RPS6KC1: variants seen among roughly 807,000 people sequenced by gnomAD.
RPS6KC1 encodes the protein ribosomal protein S6 kinase C1.
Under a neutral mutation model 103.8 loss-of-function variants are expected in RPS6KC1, and 54 were observed. The observed-to-expected ratio is 0.52, with a 90% confidence interval of 0.42 to 0.65. The LOEUF is 0.65. RPS6KC1 is among the 30% of genes least tolerant of loss of function. RPS6KC1 has a pLI of 0.00. For synonymous variants in RPS6KC1, 439 were observed against 438.7 expected (o/e 1.00, Z -0.01); for missense variants, 1,151 against 1,253.8 (o/e 0.92, Z 1.24).
At chr1:213,738,149 A>G in the RPS6KC1 span, among the ~76,000 whole-genome samples, 1 of 152,176 alleles carries the variant, frequency 6.6e-6, no homozygotes, top group African/African-American at 2.4e-5. Context: ...AGTTATTTAT[A>G]CACACACACA....
the RPS6KC1 span, among the ~76,000 whole-genome samples, chr1:213,353,764 C>A: frequency 0.012 from 1,759 of 152,268 alleles, 15 homozygotes; most frequent in Non-Finnish European, 0.018. Flanking sequence ...AGATAAGACA[C>A]AATTGCAAGC....
chr1:213,539,534 C>T, the RPS6KC1 span, among the ~76,000 whole-genome samples: 109 of 152,328 alleles, frequency 7.2e-4, no homozygotes, highest in Non-Finnish European at 1.1e-3. Flanking sequence ...GTGGTGTCCT[C>T]ACAGAGTGAG....
At chr1:213,797,562 A>G in the RPS6KC1 span, among the ~76,000 whole-genome samples, 1 of 152,218 alleles carries the variant, frequency 6.6e-6, no homozygotes, top group East Asian at 1.9e-4. Flanking sequence ...GACCACGTCT[A>G]TCCTCTGCAC....
At chr1:213,156,833 T>C (rs1272307149) in intron 6 of RPS6KC1, among the ~76,000 whole-genome samples, 1 of 152,236 alleles carries the variant, frequency 6.6e-6, no homozygotes, top group African/African-American at 2.4e-5. Flanking sequence ...TTGGTCAGTC[T>C]ACCTGAAAGT....
At chr1:213,184,262 T>G (rs2092424677) in intron 8 of RPS6KC1, among the ~76,000 whole-genome samples, 1 of 152,092 alleles carries the variant, frequency 6.6e-6, no homozygotes, top group South Asian at 2.1e-4. Context: ...CCAGTATTAC[T>G]CTGATATCAA....
the RPS6KC1 span, among the ~76,000 whole-genome samples, chr1:213,421,514 A>T: frequency 6.6e-6 from 1 of 152,090 alleles, no homozygotes; most frequent in Non-Finnish European, 1.5e-5. Context: ...TTTGAATGAG[A>T]CCAAATAGTA....
intron 7 of RPS6KC1, among the ~76,000 whole-genome samples, chr1:213,169,398 T>A (rs2091280638): frequency 6.6e-6 from 1 of 152,214 alleles, no homozygotes; most frequent in Non-Finnish European, 1.5e-5. Context: ...AACATAATGA[T>A]TGTGTTTTAA....
At chr1:213,311,893 C>CTTT in the RPS6KC1 span, among the ~76,000 whole-genome samples, 2 of 127,342 alleles carry the variant, frequency 1.6e-5, no homozygotes, top group East Asian at 4.8e-4. Flanking sequence ...TCAGGAGGAT[C>CTTT]TTTTTTTTTT....
At chr1:213,213,763 ATTTTC>A (rs1047099474) in intron 8 of RPS6KC1, among the ~76,000 whole-genome samples, 4 of 152,092 alleles carry the variant, frequency 2.6e-5, no homozygotes, top group African/African-American at 9.7e-5. Flanking sequence ...AAATATGCTT[ATTTTC>A]TTTTTCTAAT....
the RPS6KC1 span, among the ~76,000 whole-genome samples, chr1:213,336,451 A>G: frequency 3.3e-5 from 5 of 152,198 alleles, no homozygotes; most frequent in African/African-American, 2.4e-5. Context: ...TGCTCAGTAC[A>G]TATTTGTTGT....
chr1:213,121,182 G>A (rs1247188737), intron 5 of RPS6KC1, among the ~76,000 whole-genome samples: 1 of 152,146 alleles, frequency 6.6e-6, no homozygotes, highest in African/African-American at 2.4e-5. Flanking sequence ...GATTCTCCTG[G>A]CCTTGGCCTC....
At chr1:213,602,092 C>CTT in the RPS6KC1 span, among the ~76,000 whole-genome samples, 1 of 36,438 alleles carries the variant, frequency 2.7e-5, no homozygotes, top group African/African-American at 1.5e-4. Context: ...TTCTTTCTTT[C>CTT]TTTCTTTCTT....
the RPS6KC1 span, among the ~76,000 whole-genome samples, chr1:213,775,021 G>A: frequency 6.6e-6 from 1 of 152,248 alleles, no homozygotes; most frequent in South Asian, 2.1e-4. Context: ...TTTATTTTGG[G>A]TGATCAGAGA....
At chr1:213,103,224 T>C (rs1479845700) in intron 3 of RPS6KC1, among the ~76,000 whole-genome samples, 1 of 152,108 alleles carries the variant, frequency 6.6e-6, no homozygotes, top group African/African-American at 2.4e-5. Context: ...AATGTTTCAT[T>C]GTAAGACATT....
chr1:213,850,120 C>T, the RPS6KC1 span, among the ~76,000 whole-genome samples: 2 of 152,026 alleles, frequency 1.3e-5, no homozygotes, highest in East Asian at 3.9e-4. Context: ...TTGGCTATAA[C>T]TTTAGAATAT....
chr1:213,555,170 T>A, the RPS6KC1 span, among the ~76,000 whole-genome samples: 1 of 152,194 alleles, frequency 6.6e-6, no homozygotes, highest in Non-Finnish European at 1.5e-5. Flanking sequence ...AAAGGCTTGC[T>A]AAGATCATCC....
the RPS6KC1 span, among the ~76,000 whole-genome samples, chr1:213,565,153 A>G: frequency 6.6e-6 from 1 of 152,262 alleles, no homozygotes; most frequent in Non-Finnish European, 1.5e-5. Context: ...GATGTATAAC[A>G]ACAGAAATTC....
the RPS6KC1 span, among the ~76,000 whole-genome samples, chr1:213,486,098 C>T: frequency 6.6e-6 from 1 of 152,208 alleles, no homozygotes; most frequent in Non-Finnish European, 1.5e-5. Flanking sequence ...TCCCAGCAGG[C>T]ACGCACACAA....
the RPS6KC1 span, among the ~76,000 whole-genome samples, chr1:213,325,913 C>A: frequency 6.6e-6 from 1 of 152,196 alleles, no homozygotes; most frequent in Non-Finnish European, 1.5e-5. Context: ...CCCTGGAAAG[C>A]CCTTCTCCAG....
Sources: allele counts gnomAD v4.1 joint callset (sites outside exome capture counted in the v4.1 genomes callset), GRCh38; gene constraint gnomAD v4.1.1; transcripts MANE v1.5; gene names NCBI Gene and HGNC (gene_info 2026-07-23, HGNC 2026-07-21).